Variants in FBXO7 observed in about 807,000 individuals in gnomAD.
FBXO7 encodes the protein F-box protein 7, also known as F-box only protein 7.
Under a neutral mutation model 50.2 loss-of-function variants are expected in FBXO7, and 31 were observed. The observed-to-expected ratio is 0.62, with a 90% CI of 0.46 to 0.83. FBXO7 has a LOEUF of 0.83. Ranked by LOEUF, FBXO7 falls within the 40% of genes least tolerant of loss-of-function variation. The pLI is 0.00. For missense variants in FBXO7, 667 were observed against 646.6 expected, an observed-to-expected ratio of 1.03 and a Z score of -0.34; for synonymous variants, 256 against 253.1, an observed-to-expected ratio of 1.01 and a Z score of -0.11.
At chr22:32,492,367 ATTAT>A (rs2057543543) in intron 6 of FBXO7, 1 of 152,268 alleles carries the variant, frequency 6.6e-6, no homozygotes, top group African/African-American at 2.4e-5. Context: ...TTGGATTTTG[ATTAT>A]TTTTGCTAGT....
At chr22:32,476,623 ATATCT>A (rs1204086788) in intron 1 of FBXO7, among the ~76,000 whole-genome samples, 2 of 152,252 alleles carry the variant, frequency 1.3e-5, no homozygotes, top group African/African-American at 2.4e-5. Flanking sequence ...TATTTTAAAA[ATATCT>A]TTACTGAGCA....
chr22:32,498,161 C>G lies in FBXO7; in HGVS notation c.1200C>G (p.His400Gln). The G allele has an allele frequency of 6.2e-7, 1 of 1,614,166 alleles. No homozygotes were observed. Among genetic ancestry groups the G allele is most frequent in the Non-Finnish European group, 8.5e-7 (1 of 1,180,010 alleles). Residue 400 changes from histidine to glutamine, a missense_variant, in exon 9 of 9, where the codon CAC (histidine) becomes CAG (glutamine). His to Gln is a conservative substitution (Grantham distance 24, BLOSUM62 0). Transcript: ENST00000266087. ...TDWKELYRKR[H>Q]IQRKESPKGR... The stretch of plus-strand genomic sequence containing the variant: ...TTCTACAGCTGTACAGGAAGAGGCA[C>G]ATACAAAGAAAAGAATCCCCGAAAG...
chr22:32,498,410 TC>T lies in FBXO7; in HGVS notation c.1451del (p.Pro484GlnfsTer41), dbSNP rs1344213916. 1.9e-6 allele frequency: 3 copies of T among 1,614,172 alleles called. No homozygotes were observed. The highest frequency in any genetic ancestry group is 2.5e-6 in the Non-Finnish European group (3 of 1,180,024). ...QFPPLRPRFD[P>X]VGPLPGPNPI... ...TTCCTCCACTGAGACCACGCTTTGATCCAGTTGGCCCACTTCCAGGACCTAA... is the reference window on the plus strand; with the variant it reads ...TTCCTCCACTGAGACCACGCTTTGATCAGTTGGCCCACTTCCAGGACCTAA... On this transcript the variant is annotated frameshift_variant, in exon 9 of 9. Coordinates refer to ENST00000266087, the MANE Select transcript of FBXO7 (RefSeq NM_012179.4). LOFTEE classifies it high-confidence loss of function.
Position 32,475,086 on chromosome 22 carries a change from G to A in FBXO7, c.84G>A (p.Ser28=). Residue 28 remains serine, a synonymous_variant, in exon 1 of 9, where the codon TCG becomes TCA. Coordinates refer to ENST00000266087, the MANE Select transcript of FBXO7 (RefSeq NM_012179.4). ...AGCCGACGCTGGGGCATTTGCGCTCGCACCTGAGGCAGTCCCTGCTGTGCA... is the reference window on the plus strand; with the variant it reads ...AGCCGACGCTGGGGCATTTGCGCTCACACCTGAGGCAGTCCCTGCTGTGCA... ...ETEPTLGHLR[S]HLRQSLLCTW... The A allele has an allele frequency of 1.3e-6, 2 of 1,546,154 alleles. No homozygotes were observed. Among genetic ancestry groups the A allele is most frequent in the Non-Finnish European group, 1.7e-6 (2 of 1,145,948 alleles).
intron 1 of FBXO7, 75 bp from the exon 2 acceptor site, chr22:32,478,906 T>G (rs560399482): frequency 2.6e-5 from 34 of 1,310,094 alleles, no homozygotes; most frequent in Non-Finnish European, 2.7e-5. Context: ...TGTGTACTTA[T>G]GTATGCTTCA....
chr22:32,494,667 T>A (rs770950607), intron 7 of FBXO7, among the ~76,000 whole-genome samples: 16 of 152,174 alleles, frequency 1.1e-4, no homozygotes, highest in South Asian at 2.1e-4. Context: ...GAGTATGATA[T>A]AAATACTTAT....
chr22:32,485,224 T>C lies in FBXO7; in HGVS notation c.787+15T>C. ...TGTTGTAAATGGTAATTGGATAGCA[T>C]AGTCATGGTTGCTGGTTTATGGATT... On this transcript the variant is annotated intron_variant, in intron 4 of 8. Transcript: ENST00000266087. 6.2e-7 allele frequency: 1 copy of C among 1,614,072 alleles called. No individual in the cohort carries two copies. The highest frequency in any genetic ancestry group is 8.5e-7 in the Non-Finnish European group (1 of 1,179,956).
chr22:32,478,902 C>T, intron 1 of FBXO7, 79 bp from the exon 2 acceptor site: 1 of 1,289,612 alleles, frequency 7.8e-7, no homozygotes, highest in Admixed American at 1.7e-5. Flanking sequence ...ATACTGTGTA[C>T]TTATGTATGC....
chr22:32,487,570 C>G, intron 4 of FBXO7, 175 bp from the exon 5 acceptor site: 1 of 569,106 alleles, frequency 1.8e-6, no homozygotes, highest in Non-Finnish European at 3.2e-6. Flanking sequence ...TCATGTGATG[C>G]CAGGTTTACA....
chr22:32,482,796 C>G (rs1234837278), intron 2 of FBXO7, among the ~76,000 whole-genome samples: 1 of 152,192 alleles, frequency 6.6e-6, no homozygotes, highest in African/African-American at 2.4e-5. Context: ...GTGCTAGGTA[C>G]TTTACTGGGG....
chr22:32,496,030 A>G (rs987517192), intron 8 of FBXO7, among the ~76,000 whole-genome samples: 2 of 152,224 alleles, frequency 1.3e-5, no homozygotes, highest in Admixed American at 6.5e-5. Context: ...ACAGCTTTCT[A>G]TTGGAAGAAG....
At position 32,478,991 on chromosome 22, in the gene FBXO7, C is replaced by T. The variant is rs1370252127; in HGVS notation, c.133C>T (p.Arg45Ter). ...TGTCTTTCTTGGCAGTTCTAATACC[C>T]GATTTACAATTACATTGAACTACAA... ...LCTWGYSSNT[R>*]FTITLNYKDP... Residue 45 changes from arginine to a stop codon, truncating the protein, a stop_gained, in exon 2 of 9, where the codon CGA (arginine) becomes TGA (stop). Coordinates refer to ENST00000266087, the MANE Select transcript of FBXO7 (RefSeq NM_012179.4). LOFTEE classifies it high-confidence loss of function. 1.1e-5 allele frequency: 17 copies of T among 1,613,960 alleles called. No homozygotes were observed. Among genetic ancestry groups the T allele is most frequent in the Non-Finnish European group, 1.4e-5 (16 of 1,179,982 alleles).
intron 3 of FBXO7, 52 bp from the exon 4 acceptor site, chr22:32,485,016 T>G (rs2057489257): frequency 1.2e-6 from 2 of 1,613,184 alleles, no homozygotes; most frequent in East Asian, 4.5e-5. Flanking sequence ...TTAATCTTTT[T>G]GAGAGTAACA....
In FBXO7 at chr22:32,498,169, G is replaced by C; in HGVS notation, c.1208G>C (p.Arg403Thr). 1 of 1,614,080 alleles carries C rather than the reference G, an allele frequency of 6.2e-7. No homozygotes were observed. Among genetic ancestry groups the C allele is most frequent in the Non-Finnish European group, 8.5e-7 (1 of 1,179,996 alleles). ...KELYRKRHIQRKESPKGRFVM... is the reference protein window; with the variant it reads ...KELYRKRHIQTKESPKGRFVM... ...CTGTACAGGAAGAGGCACATACAAAGAAAAGAATCCCCGAAAGGGCGGTTT... is the reference window on the plus strand; with the variant it reads ...CTGTACAGGAAGAGGCACATACAAACAAAAGAATCCCCGAAAGGGCGGTTT... The change falls in exon 9 of 9, where the codon AGA becomes ACA. Residue 403 changes from arginine to threonine, a missense_variant. Physicochemically the swap from Arg to Thr is moderately conservative, Grantham distance 71. Coordinates refer to ENST00000266087, the MANE Select transcript of FBXO7 (RefSeq NM_012179.4).
rs752135655 is a variant in FBXO7 at position 32,475,176 on chromosome 22, G to C, written c.122+52G>C. On this transcript the variant is annotated intron_variant, in intron 1 of 8. Coordinates refer to ENST00000266087, the MANE Select transcript of FBXO7 (RefSeq NM_012179.4). ...CCGCGGGGAGTGGGGAGTGCTTGGG[G>C]TGGGTGCAGGGCGGGTTGGCGTCAT... The C allele has an allele frequency of 2.0e-6, 3 of 1,528,284 alleles. No individual in the cohort carries two copies. The South Asian group carries it at 3.6e-5, about 18-fold the overall frequency. 94.7% of individuals were successfully genotyped at this position (1,528,284 alleles called of 1,614,324 possible).
Position 32,479,293 on chromosome 22 carries a change from A to G in FBXO7, c.417+18A>G, listed in dbSNP as rs1280969531. ...ACAGTATGGTGGGTATTAAACACCA[A>G]TATATCAAATAGAGTAGGTGATAAG... On this transcript the variant is annotated intron_variant, in intron 2 of 8. Coordinates refer to ENST00000266087, the MANE Select transcript of FBXO7 (RefSeq NM_012179.4). The G allele has an allele frequency of 3.1e-6, 5 of 1,610,440 alleles. No homozygotes were observed. Among genetic ancestry groups the G allele is most frequent in the South Asian group, 1.1e-5 (1 of 91,028 alleles).
At position 32,486,372 on chromosome 22, in the gene FBXO7, C is replaced by T. The variant is rs370921430; in HGVS notation, c.787+1163C>T. ...TTTTTGAGACAGGGTCTTGCTCTGT[C>T]GCCCAGGCTGGAGTGCAGTAGGCAG... On this transcript the variant is annotated intron_variant, in intron 4 of 8. Coordinates refer to ENST00000266087, the MANE Select transcript of FBXO7 (RefSeq NM_012179.4). Among the ~76,000 whole-genome samples, 42 of 152,122 alleles carry T rather than the reference C, an allele frequency of 2.8e-4. 2 individuals carry two copies. The South Asian group carries it at 5.6e-3, about 20-fold the overall frequency.
At chr22:32,484,268 A>C (rs564422823) in intron 3 of FBXO7, 144 bp downstream of exon 3, 13 of 732,252 alleles carry the variant, frequency 1.8e-5, no homozygotes, top group South Asian at 8.8e-5. Context: ...GTTCTGGGAG[A>C]AACATACTCA....
chr22:32,477,373 A>G (rs932761934), intron 1 of FBXO7, among the ~76,000 whole-genome samples: 13 of 152,224 alleles, frequency 8.5e-5, no homozygotes, highest in Non-Finnish European at 1.9e-4. Context: ...TGAAATTAGC[A>G]TTGCTGAGTG....
Sources: gnomAD v4.1 joint callset for allele counts (sites outside exome capture counted in the v4.1 genomes callset) on GRCh38, gnomAD v4.1.1 for gene constraint, MANE v1.5 for transcripts, NCBI Gene and HGNC (gene_info 2026-07-23, HGNC 2026-07-21) for gene names.